The following EEFSEC variants were observed in gnomAD, a reference collection of about 807,000 sequenced individuals.
The protein encoded by EEFSEC is eukaryotic elongation factor, selenocysteine-tRNA specific, also known as selenocysteine-specific elongation factor.
A neutral mutation model predicts 42.1 loss-of-function variants in EEFSEC; 43 were observed. The ratio of observed to expected loss-of-function variants is 1.02; its 90% CI spans 0.80 to 1.32. The LOEUF (loss-of-function observed/expected upper bound fraction) is 1.32. Among genes scored for constraint, EEFSEC ranks in the 40% most tolerant of loss-of-function variants. The pLI, the probability that EEFSEC is intolerant of heterozygous loss-of-function variation, is 0.00. For missense variants in EEFSEC, 745 were observed against 803.6 expected (o/e 0.93, Z 0.88); for synonymous variants, 354 against 339.1 (o/e 1.04, Z -0.48).
At chr3:128,364,952 C>T (rs963133207) in intron 6 of EEFSEC, among the ~76,000 whole-genome samples, 1 of 152,206 alleles carries the variant, frequency 6.6e-6, no homozygotes, top group African/African-American at 2.4e-5. Flanking sequence ...AGCAGAGGGG[C>T]CAGCAGGAGT....
chr3:128,361,096 T>C (rs751168578), intron 6 of EEFSEC, among the ~76,000 whole-genome samples: 4 of 152,186 alleles, frequency 2.6e-5, no homozygotes, highest in Non-Finnish European at 4.4e-5. Context: ...GCTCCCAGCC[T>C]GCAGCTCGTG....
intron 1 of EEFSEC, among the ~76,000 whole-genome samples, chr3:128,163,569 A>T (rs1385468831): frequency 2.6e-5 from 4 of 151,822 alleles, no homozygotes; most frequent in Admixed American, 2.6e-4. Flanking sequence ...CATTTCACTG[A>T]GTGTACACTA....
At chr3:128,185,540 T>G (rs2065457221) in intron 1 of EEFSEC, among the ~76,000 whole-genome samples, 1 of 152,120 alleles carries the variant, frequency 6.6e-6, no homozygotes, top group Non-Finnish European at 1.5e-5. Flanking sequence ...TGACCTTTCG[T>G]GTCTGGCTTC....
chr3:128,299,371 T>C (rs533149350), intron 4 of EEFSEC, among the ~76,000 whole-genome samples: 1 of 152,256 alleles, frequency 6.6e-6, no homozygotes, highest in African/African-American at 2.4e-5. Flanking sequence ...GTGCTTCCTT[T>C]AGAGAAATTT....
chr3:128,285,541 C>T (rs2066574909), intron 4 of EEFSEC, among the ~76,000 whole-genome samples: 1 of 152,300 alleles, frequency 6.6e-6, no homozygotes, highest in East Asian at 1.9e-4. Flanking sequence ...TCCCCTCCTC[C>T]TCACCACCTG....
intron 6 of EEFSEC, among the ~76,000 whole-genome samples, chr3:128,391,786 C>G (rs2067916274): frequency 6.6e-6 from 1 of 152,250 alleles, no homozygotes; most frequent in South Asian, 2.1e-4. Context: ...TCAGGCAGTC[C>G]TCAGAGTCTG....
chr3:128,404,969 GTCCCTGGCTGACTC>G (rs922705447), intron 6 of EEFSEC, among the ~76,000 whole-genome samples: 4 of 151,730 alleles, frequency 2.6e-5, no homozygotes, highest in African/African-American at 9.7e-5. Context: ...GGGGCAGGCT[GTCCCTGGCTGACTC>G]TACAGATGGC....
At chr3:128,329,670 G>T (rs2067105062) in intron 4 of EEFSEC, among the ~76,000 whole-genome samples, 2 of 152,192 alleles carry the variant, frequency 1.3e-5, no homozygotes, top group African/African-American at 4.8e-5. Flanking sequence ...GTTGGACTTG[G>T]CCCAAGCTTA....
chr3:128,192,652 C>G (rs2065537990), intron 1 of EEFSEC, among the ~76,000 whole-genome samples: 1 of 152,128 alleles, frequency 6.6e-6, no homozygotes, highest in Non-Finnish European at 1.5e-5. Flanking sequence ...TCTTTTGACC[C>G]CTTTCATTCA....
chr3:128,208,441 T>C (rs187457319), intron 1 of EEFSEC, among the ~76,000 whole-genome samples: 2 of 152,336 alleles, frequency 1.3e-5, no homozygotes, highest in Admixed American at 6.5e-5. Flanking sequence ...AGGGAGAGAC[T>C]TGAAACTGTA....
At chr3:128,351,061 T>C (rs1453581859) in intron 5 of EEFSEC, among the ~76,000 whole-genome samples, 6 of 152,160 alleles carry the variant, frequency 3.9e-5, no homozygotes, top group African/African-American at 2.4e-5. Context: ...CCATTCCTCA[T>C]TGGATCCAAG....
intron 6 of EEFSEC, among the ~76,000 whole-genome samples, chr3:128,402,981 G>A (rs770244992): frequency 6.6e-6 from 1 of 152,052 alleles, no homozygotes; most frequent in African/African-American, 2.4e-5. Context: ...CCAAAACAAG[G>A]ACATCATAGA....
intron 6 of EEFSEC, among the ~76,000 whole-genome samples, chr3:128,393,936 C>T (rs1024898872): frequency 1.1e-4 from 16 of 148,444 alleles, no homozygotes; most frequent in African/African-American, 3.0e-4. Flanking sequence ...GGTGGACACA[C>T]GGCCAGTGGG....
At chr3:128,369,153 G>T (rs1423149274) in intron 6 of EEFSEC, among the ~76,000 whole-genome samples, 1 of 152,186 alleles carries the variant, frequency 6.6e-6, no homozygotes, top group Non-Finnish European at 1.5e-5. Flanking sequence ...AGACCCTGAA[G>T]TTCCCAATGG....
At chr3:128,183,456 A>G (rs188924311) in intron 1 of EEFSEC, among the ~76,000 whole-genome samples, 1 of 152,308 alleles carries the variant, frequency 6.6e-6, no homozygotes, top group African/African-American at 2.4e-5. Context: ...TAATCATTGA[A>G]TTCTACTTCT....
At chr3:128,295,368 G>C (rs1234676592) in intron 4 of EEFSEC, among the ~76,000 whole-genome samples, 3 of 149,816 alleles carry the variant, frequency 2.0e-5, no homozygotes, top group Admixed American at 6.7e-5. Context: ...TCTGTTTTTG[G>C]TCAAGGAAAT....
intron 6 of EEFSEC, among the ~76,000 whole-genome samples, chr3:128,372,554 G>T (rs545531540): frequency 2.0e-5 from 3 of 152,316 alleles, no homozygotes; most frequent in African/African-American, 4.8e-5. Context: ...GGTGCTGGGG[G>T]TACAGAGGGC....
chr3:128,257,861 T>C (rs1380515877), intron 2 of EEFSEC, among the ~76,000 whole-genome samples: 1 of 152,196 alleles, frequency 6.6e-6, no homozygotes, highest in Non-Finnish European at 1.5e-5. Flanking sequence ...AGGTTTGGCA[T>C]GCTAGGAGCC....
intron 5 of EEFSEC, among the ~76,000 whole-genome samples, chr3:128,357,746 AG>A (rs1253363034): frequency 2.6e-5 from 4 of 151,974 alleles, no homozygotes; most frequent in Admixed American, 6.6e-5. Flanking sequence ...GACAGCTTCA[AG>A]GAGAGTGCTC....
Sources: allele counts gnomAD v4.1 joint callset (sites outside exome capture counted in the v4.1 genomes callset), GRCh38; gene constraint gnomAD v4.1.1; transcripts MANE v1.5; gene names NCBI Gene and HGNC (gene_info 2026-07-23, HGNC 2026-07-21).